Variants in ZC3H14 observed in about 807,000 individuals in gnomAD.
The protein encoded by ZC3H14 is zinc finger CCCH-type containing 14, also known as zinc finger CCCH domain-containing protein 14.
In ZC3H14, 31 loss-of-function variants were observed where a neutral mutation model predicts 92.4. That is an observed-to-expected ratio of 0.34 (90% CI 0.25 to 0.45). ZC3H14 has a LOEUF of 0.45. ZC3H14 is among the 20% of genes least tolerant of loss of function. The probability of loss-of-function intolerance (pLI) is 1.00; values close to 1 mark genes in which losing one functional copy is unlikely to be tolerated. For synonymous variants in ZC3H14, 321 were observed against 300.9 expected (o/e 1.07, Z -0.69); for missense variants, 781 against 897.3 (o/e 0.87, Z 1.66).
rs1003775645 is a variant in ZC3H14, at chr14:88,573,016, G to C, written c.861+9G>C. 2 of 1,613,514 alleles carry C rather than the reference G, an allele frequency of 1.2e-6. No individual in the cohort carries two copies. Among genetic ancestry groups the C allele is most frequent in the African/African-American group, 2.7e-5 (2 of 75,046 alleles). On this transcript the variant is annotated intron_variant, in intron 6 of 16. Coordinates refer to ENST00000251038, the MANE Select transcript of ZC3H14 (RefSeq NM_024824.5). ...AGAAAATGAGTATGGAGGTTTGTATGTACTTTTAAATTCTGGCTTAGGCTA... is the reference window on the plus strand; with the variant it reads ...AGAAAATGAGTATGGAGGTTTGTATCTACTTTTAAATTCTGGCTTAGGCTA...
chr14:88,576,045 A>T (rs2081116505), intron 8 of ZC3H14, 105 bp downstream of exon 8: 1 of 1,005,180 alleles, frequency 9.9e-7, no homozygotes, highest in Non-Finnish European at 1.5e-6. Context: ...TGCCTGTCAG[A>T]TGTCAAGACC....
chr14:88,582,817 G>T (rs930248789), intron 9 of ZC3H14, among the ~76,000 whole-genome samples: 1 of 152,094 alleles, frequency 6.6e-6, no homozygotes, highest in East Asian at 1.9e-4. Flanking sequence ...TGTTAATGTG[G>T]TTACTCACTG....
intron 10 of ZC3H14, among the ~76,000 whole-genome samples, chr14:88,600,882 A>G (rs2084547137): frequency 6.6e-6 from 1 of 152,110 alleles, no homozygotes; most frequent in African/African-American, 2.4e-5. Context: ...GCCATTCCAC[A>G]TTCTAACCTT....
chr14:88,586,601 A>C (rs2082501617), intron 9 of ZC3H14: 1 of 152,152 alleles, frequency 6.6e-6, no homozygotes, highest in African/African-American at 2.4e-5. Context: ...GGCTGCTTTC[A>C]AGATCTTCTC....
intron 2 of ZC3H14, 153 bp from the exon 3 acceptor site, chr14:88,567,886 A>G: frequency 1.4e-6 from 1 of 700,868 alleles, no homozygotes; most frequent in Middle Eastern, 2.5e-4. Flanking sequence ...AATGAAGAGA[A>G]AAAAATTAAA....
intron 2 of ZC3H14, among the ~76,000 whole-genome samples, chr14:88,564,321 C>A (rs1425439028): frequency 6.6e-6 from 1 of 152,132 alleles, no homozygotes; most frequent in Non-Finnish European, 1.5e-5. Flanking sequence ...TACTCTGGGT[C>A]AGGTACTGTG....
intron 12 of ZC3H14, among the ~76,000 whole-genome samples, chr14:88,603,450 C>T (rs1201266695): frequency 1.3e-4 from 20 of 152,208 alleles, no homozygotes; most frequent in Admixed American, 1.3e-3. Flanking sequence ...AGATTTGATG[C>T]TATTTCTACC....
intron 10 of ZC3H14, among the ~76,000 whole-genome samples, chr14:88,597,987 A>G (rs753613911): frequency 2.6e-5 from 4 of 151,942 alleles, no homozygotes; most frequent in Non-Finnish European, 4.4e-5. Context: ...TTAATTTTCT[A>G]AAAACATACT....
At chr14:88,566,393 T>C (rs1277098880) in intron 2 of ZC3H14, among the ~76,000 whole-genome samples, 3 of 151,900 alleles carry the variant, frequency 2.0e-5, no homozygotes, top group African/African-American at 7.3e-5. Flanking sequence ...ATTTATGGAG[T>C]ACTTACCACC....
Position 88,624,676 on chromosome 14 carries a change from C to T in ZC3H14, c.*12925C>T, listed in dbSNP as rs2089644219. On this transcript the variant is annotated 3_prime_UTR_variant, in exon 17 of 17. Coordinates refer to ENST00000251038, the MANE Select transcript of ZC3H14 (RefSeq NM_024824.5). ...CAGATTCCCCCATGGGCCTCCTACT[C>T]AGCAAATCATACACAGGCATACAGA... 3.6e-6 allele frequency: 1 copy of T among 277,504 alleles called. No homozygotes were observed. The highest frequency in any genetic ancestry group is 6.7e-6 in the Non-Finnish European group (1 of 148,856). 17.2% of individuals were successfully genotyped at this position (277,504 alleles called of 1,614,324 possible). A position where few individuals can be genotyped will look rare whatever the true frequency, so the allele number is the denominator to read the frequency against.
chr14:88,563,230 A>C, intron 1 of ZC3H14, 61 bp downstream of exon 1: 5 of 1,569,526 alleles, frequency 3.2e-6, no homozygotes, highest in Non-Finnish European at 4.3e-6. Context: ...GGTTGTCAGG[A>C]GTAACGGGGA....
chr14:88,608,478 T>C (rs1261020852), intron 13 of ZC3H14: 2 of 305,946 alleles, frequency 6.5e-6, no homozygotes, highest in Non-Finnish European at 1.3e-5. Flanking sequence ...GAGTGACAAT[T>C]ACCATGGCCC....
Position 88,618,564 on chromosome 14 carries a change from A to T in ZC3H14, c.*6813A>T. The T allele has an allele frequency of 1.4e-6, 2 of 1,446,556 alleles. No individual in the cohort carries two copies. Among genetic ancestry groups the T allele is most frequent in the Non-Finnish European group, 1.9e-6 (2 of 1,079,014 alleles). 89.6% of individuals were successfully genotyped at this position (1,446,556 alleles called of 1,614,324 possible). A position where few individuals can be genotyped will look rare whatever the true frequency, so the allele number is the denominator to read the frequency against. On this transcript the variant is annotated 3_prime_UTR_variant, in exon 17 of 17. Transcript: ENST00000251038. The stretch of plus-strand genomic sequence containing the variant: ...AGGAGTTGAGAAGCTGGAGCTCTGG[A>T]GCTCAGGAACTTTAAATGCATTCAC...
chr14:88,563,286 C>T (rs1595443110), intron 1 of ZC3H14, 117 bp downstream of exon 1: 11 of 1,533,318 alleles, frequency 7.2e-6, no homozygotes, highest in African/African-American at 5.5e-5. Context: ...GCTGGACGCT[C>T]CTGGCGGGCT....
At chr14:88,566,372 G>A (rs2079626291) in intron 2 of ZC3H14, among the ~76,000 whole-genome samples, 1 of 152,082 alleles carries the variant, frequency 6.6e-6, no homozygotes, top group Admixed American at 6.5e-5. Context: ...CAAACAGTTT[G>A]AGAATTGGTA....
chr14:88,610,625 A>T (rs2086468157), intron 15 of ZC3H14, among the ~76,000 whole-genome samples: 1 of 123,156 alleles, frequency 8.1e-6, no homozygotes, highest in Non-Finnish European at 1.7e-5. Flanking sequence ...CCTAGGCAAC[A>T]TTTAAGAGAC....
chr14:88,622,579 T>C lies in ZC3H14; in HGVS notation c.*10828T>C, dbSNP rs1016349649. 4.6e-6 allele frequency: 7 copies of C among 1,534,924 alleles called. No homozygotes were observed. In the Admixed American group the frequency reaches 7.8e-5, roughly 17 times the overall value. ...AACCACTTTCTGTTTTCTGCTGCAC[T>C]GTATCAGCTCATGGAACATCTTACT... is the stretch of plus-strand genomic sequence containing the variant. On this transcript the variant is annotated 3_prime_UTR_variant, in exon 17 of 17. Coordinates refer to ENST00000251038, the MANE Select transcript of ZC3H14 (RefSeq NM_024824.5).
chr14:88,610,457 G>T (rs1259806861), intron 15 of ZC3H14, among the ~76,000 whole-genome samples: 1 of 152,062 alleles, frequency 6.6e-6, no homozygotes, highest in African/African-American at 2.4e-5. Context: ...GGTCCTTATA[G>T]ATGGAATCTC....
chr14:88,607,517 C>T (rs2085640163), intron 13 of ZC3H14, among the ~76,000 whole-genome samples, 154 bp downstream of exon 13: 1 of 145,746 alleles, frequency 6.9e-6, no homozygotes, highest in African/African-American at 2.6e-5. Context: ...AGTACCATCC[C>T]ATCTCACCCT....
Sources: gnomAD v4.1 joint callset for allele counts (sites outside exome capture counted in the v4.1 genomes callset) on GRCh38, gnomAD v4.1.1 for gene constraint, MANE v1.5 for transcripts, NCBI Gene and HGNC (gene_info 2026-07-23, HGNC 2026-07-21) for gene names.